CLNK: variants seen among roughly 807,000 people sequenced by gnomAD.
The protein encoded by CLNK is cytokine dependent hematopoietic cell linker.
A neutral mutation model predicts 68.6 loss-of-function variants in CLNK; 74 were observed. That is an observed-to-expected ratio of 1.08 (90% CI 0.89 to 1.31). CLNK has a LOEUF of 1.31. Among genes scored for constraint, CLNK ranks in the 50% most tolerant of loss-of-function variants. The pLI, the probability that CLNK is intolerant of heterozygous loss-of-function variation, is 0.00. For missense variants in CLNK, 553 were observed against 515.3 expected (o/e 1.07, Z -0.71); for synonymous variants, 198 against 172.2 (o/e 1.15, Z -1.17).
At chr4:10,554,975 T>G (rs1185956408) in intron 8 of CLNK, among the ~76,000 whole-genome samples, 1 of 152,232 alleles carries the variant, frequency 6.6e-6, no homozygotes. Flanking sequence ...TTGGCTCTGG[T>G]CTTGTGACTA....
chr4:10,659,340 C>T (rs1724102566), intron 2 of CLNK, among the ~76,000 whole-genome samples: 1 of 152,216 alleles, frequency 6.6e-6, no homozygotes, highest in Non-Finnish European at 1.5e-5. Flanking sequence ...ACACTGTATA[C>T]ATTAAGTCGC....
chr4:10,626,636 C>T (rs914754079), intron 2 of CLNK, among the ~76,000 whole-genome samples: 1 of 152,080 alleles, frequency 6.6e-6, no homozygotes, highest in South Asian at 2.1e-4. Context: ...TTGTGGCACA[C>T]ATATATGTAA....
At chr4:10,491,542 G>C (rs979697540) in intron 18 of CLNK, among the ~76,000 whole-genome samples, 25 of 152,206 alleles carry the variant, frequency 1.6e-4, no homozygotes, top group Admixed American at 1.4e-3. Context: ...GCAGATTTCA[G>C]TGTTTCTAGA....
At chr4:10,523,602 A>T (rs375924828) in intron 14 of CLNK, among the ~76,000 whole-genome samples, 6 of 124,168 alleles carry the variant, frequency 4.8e-5, no homozygotes, top group African/African-American at 7.9e-5. Context: ...AATAAATGAA[A>T]CAAACAAACA....
intron 14 of CLNK, among the ~76,000 whole-genome samples, chr4:10,524,120 T>G (rs200026416): frequency 8.1e-4 from 91 of 111,690 alleles, no homozygotes; most frequent in Admixed American, 2.7e-3. Flanking sequence ...AGGAGGAGGA[T>G]GATATTGTGG....
chr4:10,560,620 T>C (rs1411644069), intron 7 of CLNK, among the ~76,000 whole-genome samples: 2 of 150,928 alleles, frequency 1.3e-5, no homozygotes, highest in African/African-American at 4.9e-5. Flanking sequence ...ATTTTTGTAC[T>C]TTTTGTAGAG....
chr4:10,691,714 T>C, the CLNK span, among the ~76,000 whole-genome samples: 1 of 152,168 alleles, frequency 6.6e-6, no homozygotes, highest in African/African-American at 2.4e-5. Flanking sequence ...GTGCAGAGGC[T>C]AAATTGTTTC....
At chr4:10,680,243 C>G (rs748826923) in intron 1 of CLNK, among the ~76,000 whole-genome samples, 1 of 151,756 alleles carries the variant, frequency 6.6e-6, no homozygotes, top group Admixed American at 6.6e-5. Context: ...TGGAAACCAT[C>G]ATTCTCAGCA....
chr4:10,589,288 T>C (rs976793223), intron 3 of CLNK, among the ~76,000 whole-genome samples: 1 of 152,174 alleles, frequency 6.6e-6, no homozygotes, highest in Non-Finnish European at 1.5e-5. Context: ...CTGGGATTTG[T>C]CCGAGTCCCT....
chr4:10,595,829 G>A (rs982034747), intron 3 of CLNK, among the ~76,000 whole-genome samples: 8 of 152,084 alleles, frequency 5.3e-5, no homozygotes, highest in African/African-American at 1.9e-4. Context: ...GTAATTGTTG[G>A]GATCCAGTGA....
intron 16 of CLNK, among the ~76,000 whole-genome samples, chr4:10,511,040 A>G (rs966954652): frequency 3.3e-5 from 5 of 152,082 alleles, no homozygotes; most frequent in African/African-American, 1.2e-4. Flanking sequence ...GTAATCCCAG[A>G]TACTTGGGAG....
intron 2 of CLNK, among the ~76,000 whole-genome samples, chr4:10,604,163 TTATTC>T (rs1285828205): frequency 6.6e-6 from 1 of 152,204 alleles, no homozygotes; most frequent in African/African-American, 2.4e-5. Flanking sequence ...GTGATTATAT[TTATTC>T]TCTAGGGCCC....
intron 2 of CLNK, among the ~76,000 whole-genome samples, chr4:10,640,384 T>C (rs1723265335): frequency 6.6e-6 from 1 of 152,218 alleles, no homozygotes; most frequent in Non-Finnish European, 1.5e-5. Context: ...CAGGCTGGTC[T>C]CGAACTCCTG....
chr4:10,557,523 T>C (rs931915692), intron 8 of CLNK, among the ~76,000 whole-genome samples: 36 of 152,220 alleles, frequency 2.4e-4, no homozygotes, highest in African/African-American at 8.7e-4. Context: ...TTTCAGTAAC[T>C]GTCCCCTCAT....
chr4:10,525,911 G>C lies in CLNK; in HGVS notation c.661C>G (p.Gln221Glu). 6.4e-7 allele frequency: 1 copy of C among 1,563,610 alleles called. No individual in the cohort carries two copies. The highest frequency in any genetic ancestry group is 1.2e-5 in the South Asian group (1 of 85,346). ...VLEAEKVPHN[Q>E]RKPESTHLLE... The stretch of plus-strand genomic sequence containing the variant: ...AGATGAGTTGATTCAGGCTTCCTCT[G>C]GTTATGAGGAACTATATAAAACAGT... The change falls in exon 14 of 19, where the codon CAG (glutamine) becomes GAG (glutamate). Residue 221 changes from glutamine (Q) to glutamate (E), a missense_variant. Coordinates refer to ENST00000226951, the MANE Select transcript of CLNK (RefSeq NM_052964.4).
At chr4:10,594,222 T>A (rs921264387) in intron 3 of CLNK, among the ~76,000 whole-genome samples, 1 of 152,088 alleles carries the variant, frequency 6.6e-6, no homozygotes, top group East Asian at 1.9e-4. Flanking sequence ...ATGTAAGAGG[T>A]CAGACATTTC....
At chr4:10,716,909 G>T in the CLNK span, among the ~76,000 whole-genome samples, 1 of 152,028 alleles carries the variant, frequency 6.6e-6, no homozygotes. Context: ...GGCCAGGCTG[G>T]TCTTGAACTC....
intron 1 of CLNK, among the ~76,000 whole-genome samples, chr4:10,676,386 T>C (rs1724873491): frequency 8.9e-6 from 1 of 112,286 alleles, no homozygotes; most frequent in African/African-American, 3.1e-5. Flanking sequence ...ATTGTTATTA[T>C]AGATTTCTTT....
At chr4:10,659,464 C>T (rs1724107469) in intron 2 of CLNK, among the ~76,000 whole-genome samples, 1 of 152,180 alleles carries the variant, frequency 6.6e-6, no homozygotes, top group African/African-American at 2.4e-5. Flanking sequence ...TGGCACATGG[C>T]CAACCAATAT....
Sources: gnomAD v4.1 joint callset for allele counts (sites outside exome capture counted in the v4.1 genomes callset) on GRCh38, gnomAD v4.1.1 for gene constraint, MANE v1.5 for transcripts, NCBI Gene and HGNC (gene_info 2026-07-23, HGNC 2026-07-21) for gene names.